The following ECE1 variants were observed in gnomAD, a reference collection of about 807,000 sequenced individuals.
ECE1 encodes the protein endothelin converting enzyme 1, also known as endothelin-converting enzyme 1.
In ECE1, 35 loss-of-function variants were observed where a neutral mutation model predicts 98.6. The ratio of observed to expected loss-of-function variants is 0.35; its 90% CI spans 0.27 to 0.47. The LOEUF (loss-of-function observed/expected upper bound fraction) is 0.47, where lower values mean the gene tolerates loss of function less well. ECE1 is among the 20% of genes least tolerant of loss of function. The pLI is 1.00. For missense variants in ECE1, 814 were observed against 1,025.3 expected, an observed-to-expected ratio of 0.79 and a Z score of 2.81; for synonymous variants, 394 against 407.1, an observed-to-expected ratio of 0.97 and a Z score of 0.39.
chr1:21,340,003 A>G lies in ECE1; in HGVS notation c.3+5373T>C, dbSNP rs1452658552. 1.3e-5 allele frequency among the ~76,000 whole-genome samples: 2 copies of G among 152,206 alleles called. No individual in the cohort carries two copies. Among genetic ancestry groups the G allele is most frequent in the African/African-American group, 2.4e-5 (1 of 41,452 alleles). On this transcript the variant is annotated intron_variant, in intron 1 of 18. Transcript: ENST00000415912. The surrounding 1 kb of genome is among the most constrained non-coding windows in gnomAD (Gnocchi z 4.6). ...CCCTCAGACTATTAACTCTTCAAGG[A>G]CAAGTGAACCCCCCTCCTAATTTTT...
chr1:21,273,762 G>A (rs904811752), intron 3 of ECE1, among the ~76,000 whole-genome samples: 10 of 152,340 alleles, frequency 6.6e-5, no homozygotes, highest in Admixed American at 6.5e-4. Context: ...GGCAGAGGCA[G>A]AAGAATCGTT....
chr1:21,280,840 C>T (rs1286626148), intron 2 of ECE1, among the ~76,000 whole-genome samples: 2 of 151,924 alleles, frequency 1.3e-5, no homozygotes. Flanking sequence ...ATTGCTGCAC[C>T]AGAGATGGAG....
intron 10 of ECE1, among the ~76,000 whole-genome samples, chr1:21,241,184 C>T (rs754520345): frequency 1.0e-4 from 15 of 148,926 alleles, no homozygotes; most frequent in Non-Finnish European, 1.5e-4. Flanking sequence ...TTACAGGTGC[C>T]CACCACTACC....
Position 21,345,328 on chromosome 1 carries a change from C to G in ECE1, c.3+48G>C. ...CACCCGCGGCACCGCTGCCCGCGAC[C>G]GTCGAGGCTGGGCTGGACCGGACCA... On this transcript the variant is annotated intron_variant, in intron 1 of 18. Transcript: ENST00000415912. The surrounding 1 kb of genome is among the most constrained non-coding windows in gnomAD (Gnocchi z 5.1). 1.5e-6 allele frequency: 2 copies of G among 1,349,920 alleles called. No individual in the cohort carries two copies. Among genetic ancestry groups the G allele is most frequent in the Non-Finnish European group, 1.9e-6 (2 of 1,042,898 alleles). 83.6% of individuals were successfully genotyped at this position (1,349,920 alleles called of 1,614,324 possible).
chr1:21,263,356 T>A (rs1165903958), intron 4 of ECE1, among the ~76,000 whole-genome samples: 1 of 116,262 alleles, frequency 8.6e-6, no homozygotes, highest in Non-Finnish European at 1.8e-5. Context: ...CCTTTTTTTA[T>A]ATTTATTTTT....
At chr1:21,280,596 G>A (rs1281805488) in intron 2 of ECE1, among the ~76,000 whole-genome samples, 3 of 152,200 alleles carry the variant, frequency 2.0e-5, no homozygotes, top group Non-Finnish European at 4.4e-5. Flanking sequence ...AGGGCAGGGT[G>A]GAGGGAGCAA....
At position 21,220,042 on chromosome 1, in the gene ECE1, G is replaced by A; in HGVS notation, c.2226C>T (p.Ser742=). ...HSPSRFRVIG[S]LSNSKEFSEH... ...CTGAGAACTCCTTGGAATTGGAGAG[G>A]GAGCCGATGACCCGGAAGCGAGAGG... is the stretch of plus-strand genomic sequence containing the variant. The change falls in exon 19 of 19, where the codon TCC becomes TCT. Residue 742 remains serine, a synonymous_variant. Transcript: ENST00000374893. This position sits in a 1 kb window ranked among gnomAD's most constrained non-coding sequence, Gnocchi z 5.0. 6.2e-7 allele frequency: 1 copy of A among 1,614,250 alleles called. No homozygotes were observed. The highest frequency in any genetic ancestry group is 8.5e-7 in the Non-Finnish European group (1 of 1,180,050).
intron 1 of ECE1, among the ~76,000 whole-genome samples, chr1:21,334,541 G>C (rs1041576672): frequency 6.6e-6 from 1 of 152,190 alleles, no homozygotes; most frequent in East Asian, 1.9e-4. Context: ...CTCACTTCTC[G>C]GCAGGGTGTG....
At chr1:21,292,309 CA>C (rs940900359), upstream of ECE1, among the ~76,000 whole-genome samples, 10 of 152,158 alleles carry the variant, frequency 6.6e-5, no homozygotes, top group African/African-American at 2.4e-4. Flanking sequence ...CCCCCTCCCC[CA>C]CCAACCTCCT....
intron 9 of ECE1, 25 bp from the exon 10 acceptor site, chr1:21,245,128 G>T: frequency 6.3e-7 from 1 of 1,596,742 alleles, no homozygotes; most frequent in Non-Finnish European, 8.6e-7. Flanking sequence ...GGCCAGAGAG[G>T]CTCAGGGACA....
At chr1:21,328,853 G>A (rs1002799110) in intron 1 of ECE1, among the ~76,000 whole-genome samples, 2 of 151,298 alleles carry the variant, frequency 1.3e-5, no homozygotes, top group Non-Finnish European at 2.9e-5. Flanking sequence ...GGCCTCGGCT[G>A]CTGAGGGTCT....
chr1:21,256,253 G>A, intron 7 of ECE1, 115 bp from the exon 8 acceptor site: 2 of 1,224,924 alleles, frequency 1.6e-6, no homozygotes, highest in Non-Finnish European at 2.2e-6. Context: ...GGGCTGCACA[G>A]TGCCCCCAAG....
chr1:21,309,521 C>A (rs764036656), intron 1 of ECE1, among the ~76,000 whole-genome samples: 2 of 152,172 alleles, frequency 1.3e-5, no homozygotes, highest in South Asian at 2.1e-4. Flanking sequence ...TGAGTCAATG[C>A]GTCGGAGCTC....
intron 4 of ECE1, among the ~76,000 whole-genome samples, chr1:21,271,425 G>C (rs536852471): frequency 1.3e-5 from 2 of 152,254 alleles, no homozygotes; most frequent in East Asian, 3.9e-4. Flanking sequence ...CCCCTTTTGG[G>C]TATCTTCTAT....
intron 1 of ECE1, among the ~76,000 whole-genome samples, chr1:21,325,082 G>T (rs213025): frequency 0.19 from 29,201 of 152,090 alleles, 3,004 homozygotes; most frequent in East Asian, 0.37. Context: ...AATAGAGGGG[G>T]GTTGAGACTG....
intron 11 of ECE1, among the ~76,000 whole-genome samples, chr1:21,237,355 G>A (rs577428771): frequency 6.6e-6 from 1 of 152,236 alleles, no homozygotes; most frequent in East Asian, 1.9e-4. Flanking sequence ...GCTCGAAGAT[G>A]GAAAGTTGAA....
chr1:21,292,800 G>A (rs1011229838), upstream of ECE1, among the ~76,000 whole-genome samples: 1 of 152,232 alleles, frequency 6.6e-6, no homozygotes, highest in Non-Finnish European at 1.5e-5. Context: ...AAAGGTCACA[G>A]GCCCTGGGGA....
intron 1 of ECE1, among the ~76,000 whole-genome samples, chr1:21,312,141 A>C (rs981959728): frequency 1.2e-5 from 1 of 85,488 alleles, no homozygotes; most frequent in Middle Eastern, 6.3e-3. Flanking sequence ...AAAAAAAAAA[A>C]TTTTTTTTTT....
At chr1:21,276,351 C>G (rs2098247196) in intron 3 of ECE1, among the ~76,000 whole-genome samples, 1 of 151,290 alleles carries the variant, frequency 6.6e-6, no homozygotes, top group Admixed American at 6.6e-5. Flanking sequence ...GAATGAACAA[C>G]CGAATGAATG....
Sources: allele counts gnomAD v4.1 joint callset (sites outside exome capture counted in the v4.1 genomes callset), GRCh38; gene constraint gnomAD v4.1.1; non-coding constraint Gnocchi (gnomAD v3.1); transcripts MANE v1.5; gene names NCBI Gene and HGNC (gene_info 2026-07-23, HGNC 2026-07-21).